The following GHR variants were observed in gnomAD, a reference collection of about 807,000 sequenced individuals.
GHR encodes the protein growth hormone receptor, also known as GH receptor.
Under a neutral mutation model 67.1 loss-of-function variants are expected in GHR, and 35 were observed. That is an observed-to-expected ratio of 0.52 (90% confidence interval 0.40 to 0.69). GHR has a LOEUF of 0.69. GHR is among the 30% of genes least tolerant of loss of function. The pLI is 0.00. For synonymous variants in GHR, 272 were observed against 269.1 expected (o/e 1.01, Z -0.10); for missense variants, 792 against 764.6 (o/e 1.04, Z -0.42).
intron 2 of GHR, among the ~76,000 whole-genome samples, chr5:42,616,193 T>C (rs946539898): frequency 2.0e-5 from 3 of 152,042 alleles, no homozygotes; most frequent in African/African-American, 7.2e-5. Context: ...AAAAGGTTAA[T>C]TGTTTTGGTA....
intron 3 of GHR, among the ~76,000 whole-genome samples, chr5:42,640,835 G>A (rs115152399): frequency 0.016 from 2,447 of 151,488 alleles, 27 homozygotes; most frequent in Non-Finnish European, 0.021. Context: ...TTAATTTTGC[G>A]TCCTGAAAGA....
At chr5:42,603,202 G>A (rs1752467185) in intron 2 of GHR, among the ~76,000 whole-genome samples, 1 of 151,962 alleles carries the variant, frequency 6.6e-6, no homozygotes, top group Non-Finnish European at 1.5e-5. Context: ...AGGCCTGCAA[G>A]GTTTCTGCAG....
intron 1 of GHR, among the ~76,000 whole-genome samples, chr5:42,471,486 T>C (rs968830029): frequency 1.3e-5 from 2 of 152,326 alleles, no homozygotes; most frequent in South Asian, 4.1e-4. Flanking sequence ...TTCCTACTTA[T>C]CTAAACATTA....
intron 2 of GHR, among the ~76,000 whole-genome samples, chr5:42,586,510 T>C (rs1751484490): frequency 6.6e-6 from 1 of 152,236 alleles, no homozygotes; most frequent in Non-Finnish European, 1.5e-5. Flanking sequence ...CAGTTGGATT[T>C]AGGGATCTAG....
chr5:42,470,833 A>T (rs1025466258), intron 1 of GHR, among the ~76,000 whole-genome samples: 2 of 152,096 alleles, frequency 1.3e-5, no homozygotes, highest in Non-Finnish European at 2.9e-5. Flanking sequence ...AAAAAATGCC[A>T]CTCAGGAGAG....
At chr5:42,703,211 T>A (rs995167864) in intron 6 of GHR, among the ~76,000 whole-genome samples, 2 of 152,056 alleles carry the variant, frequency 1.3e-5, no homozygotes, top group African/African-American at 4.8e-5. Context: ...AAGTCTTTAA[T>A]CGATTTTGAG....
At chr5:42,583,732 T>A (rs948561107) in intron 2 of GHR, among the ~76,000 whole-genome samples, 2 of 152,136 alleles carry the variant, frequency 1.3e-5, no homozygotes, top group Non-Finnish European at 1.5e-5. Flanking sequence ...CTTGGGATAT[T>A]TTTGTTTCTT....
intron 1 of GHR, among the ~76,000 whole-genome samples, chr5:42,533,080 G>C (rs1368534646): frequency 6.6e-6 from 1 of 152,048 alleles, no homozygotes; most frequent in African/African-American, 2.4e-5. Flanking sequence ...TGTTTCGCAG[G>C]TCATTGCCAA....
chr5:42,605,264 C>T (rs889928421), intron 2 of GHR, among the ~76,000 whole-genome samples: 1 of 151,740 alleles, frequency 6.6e-6, no homozygotes, highest in Non-Finnish European at 1.5e-5. Context: ...CCAACACGCC[C>T]GGCTAATTTT....
rs574593688 is a variant in GHR, at chr5:42,423,512, C to T, written c.-455C>T. Among the ~76,000 whole-genome samples the T allele has an allele frequency of 2.0e-5, 3 of 152,348 alleles. No individual in the cohort carries two copies. Among genetic ancestry groups the T allele is most frequent in the African/African-American group, 7.2e-5 (3 of 41,594 alleles). On this transcript the variant is annotated 5_prime_UTR_variant, in exon 1 of 10. Transcript: ENST00000230882. Reference sequence around the variant, plus strand: ...ATCCCAGCAACTCGGAATGCTTGGCCCGGGCGGCACTCGGCCTCTCCGCAG... The same window carrying T: ...ATCCCAGCAACTCGGAATGCTTGGCTCGGGCGGCACTCGGCCTCTCCGCAG...
intron 1 of GHR, among the ~76,000 whole-genome samples, chr5:42,492,218 C>A (rs1746144397): frequency 6.6e-6 from 1 of 151,902 alleles, no homozygotes; most frequent in Non-Finnish European, 1.5e-5. Flanking sequence ...AATGATCTGG[C>A]AAAAGGCTGA....
chr5:42,461,662 A>C (rs1296672917), intron 1 of GHR, among the ~76,000 whole-genome samples: 1 of 152,164 alleles, frequency 6.6e-6, no homozygotes, highest in Non-Finnish European at 1.5e-5. Context: ...TGTTTCATAA[A>C]TGTTTATCTT....
rs569217568 is a variant in GHR at position 42,506,700 on chromosome 5, G to A, written c.-11-59164G>A. On this transcript the variant is annotated intron_variant, in intron 1 of 9. Transcript: ENST00000230882. ...TTAATGTTGATGTTTATTTGATGTC[G>A]ACATCACTAGTGACACTGGTCAAGC... is the stretch of plus-strand genomic sequence containing the variant. 2.1e-4 allele frequency among the ~76,000 whole-genome samples: 32 copies of A among 152,126 alleles called. No homozygotes were observed. The South Asian group carries it at 5.4e-3, about 26-fold the overall frequency.
At chr5:42,668,688 C>T (rs986753149) in intron 3 of GHR, among the ~76,000 whole-genome samples, 9 of 152,036 alleles carry the variant, frequency 5.9e-5, no homozygotes, top group African/African-American at 1.2e-4. Flanking sequence ...TCTGTTCCTG[C>T]GTTTTGGAGG....
chr5:42,551,117 T>C (rs1171455256), intron 1 of GHR, among the ~76,000 whole-genome samples: 1 of 152,194 alleles, frequency 6.6e-6, no homozygotes, highest in Non-Finnish European at 1.5e-5. Flanking sequence ...ATTTATCAAA[T>C]ACAGCCCATG....
intron 2 of GHR, among the ~76,000 whole-genome samples, chr5:42,572,891 AG>A: frequency 6.6e-6 from 1 of 152,270 alleles, no homozygotes; most frequent in South Asian, 2.1e-4. Context: ...AGGCAGGTGA[AG>A]GGTGGCATTT....
intron 1 of GHR, chr5:42,465,935 C>T: frequency 1.4e-6 from 1 of 694,066 alleles, no homozygotes; most frequent in Non-Finnish European, 2.6e-6. Context: ...CCTTTCTGGT[C>T]TTCTATCAGT....
intron 3 of GHR, among the ~76,000 whole-genome samples, chr5:42,641,159 C>CA (rs1754454026): frequency 1.5e-5 from 2 of 137,744 alleles, no homozygotes; most frequent in Non-Finnish European, 3.1e-5. Context: ...TCCTTAGGTA[C>CA]AAAAAAGATG....
rs115538774 is a variant in GHR at position 42,603,230 on chromosome 5, A to G, written c.71-25808A>G. Reference sequence around the variant, plus strand: ...TTCTGCAGAAAAATCGTCTGATAATACTACAGAGATTTCATTATAAGTAGC... The same window carrying G: ...TTCTGCAGAAAAATCGTCTGATAATGCTACAGAGATTTCATTATAAGTAGC... On this transcript the variant is annotated intron_variant, in intron 2 of 9. Transcript: ENST00000230882. Among the ~76,000 whole-genome samples the G allele has an allele frequency of 4.3e-3, 658 of 152,188 alleles. 3 individuals are homozygous for G. Among genetic ancestry groups the G allele is most frequent in the African/African-American group, 0.015 (636 of 41,542 alleles).
Sources: allele counts gnomAD v4.1 joint callset (sites outside exome capture counted in the v4.1 genomes callset), GRCh38; gene constraint gnomAD v4.1.1; transcripts MANE v1.5; gene names NCBI Gene and HGNC (gene_info 2026-07-23, HGNC 2026-07-21).